Variants in PTAFR observed in about 807,000 individuals in gnomAD.
The protein encoded by PTAFR is platelet-activating factor receptor.
A neutral mutation model predicts 14.7 loss-of-function variants in PTAFR; 8 were observed. The observed-to-expected ratio is 0.54, with a 90% confidence interval of 0.32 to 0.98. The LOEUF is 0.98. Among genes scored for constraint, PTAFR ranks in the 50% least tolerant of loss-of-function variants. The pLI, the probability that PTAFR is intolerant of heterozygous loss-of-function variation, is 0.04. For missense variants in PTAFR, 337 were observed against 451.2 expected, an observed-to-expected ratio of 0.75 and a Z score of 2.29; for synonymous variants, 156 against 176.5, an observed-to-expected ratio of 0.88 and a Z score of 0.92.
intron 1 of PTAFR, among the ~76,000 whole-genome samples, chr1:28,165,744 C>A (rs1319280055): frequency 6.6e-6 from 1 of 152,000 alleles, no homozygotes; most frequent in African/African-American, 2.4e-5. Flanking sequence ...GATCGTGCCA[C>A]TGCACTCCAG....
At position 28,151,055 on chromosome 1, in the gene PTAFR, G is replaced by A; in HGVS notation, c.-34C>T. ...GCTGGAATGATCAGCTGGTCCTGGT[G>A]GTGCCTGGAAGACCACACAAAAATT... On this transcript the variant is annotated 5_prime_UTR_variant, in exon 2 of 2. Transcript: ENST00000373857. The A allele has an allele frequency of 6.6e-7, 1 of 1,516,624 alleles. No homozygotes were observed. Among genetic ancestry groups the A allele is most frequent in the Non-Finnish European group, 8.9e-7 (1 of 1,126,246 alleles). The allele number at this position is 1,516,624 out of a possible 1,614,324, so 93.9% of individuals were successfully genotyped here.
intron 1 of PTAFR, among the ~76,000 whole-genome samples, chr1:28,162,903 C>T (rs1572035522): frequency 6.7e-6 from 1 of 150,172 alleles, no homozygotes; most frequent in South Asian, 2.1e-4. Flanking sequence ...GCACCGAAAT[C>T]TGAGACATGT....
Position 28,190,973 on chromosome 1 carries a change from G to A in PTAFR, c.-39+2749C>T, listed in dbSNP as rs1646647430. 2.6e-5 allele frequency among the ~76,000 whole-genome samples: 4 copies of A among 152,186 alleles called. No homozygotes were observed. The South Asian group carries it at 8.3e-4, about 32-fold the overall frequency. On this transcript the variant is annotated intron_variant, in intron 1 of 1. Transcript: ENST00000305392. ...TGAAGCACTGCCATCCTCACAATGG[G>A]ATTAGGCCGGTAAAGGACGCCTGGC... is the stretch of plus-strand genomic sequence containing the variant.
chr1:28,191,681 AGAGC>A (rs778527921), intron 1 of PTAFR, among the ~76,000 whole-genome samples: 4 of 151,716 alleles, frequency 2.6e-5, no homozygotes, highest in Admixed American at 6.6e-5. Flanking sequence ...CAAGGATAGG[AGAGC>A]GTCTTTTCTC....
In PTAFR at chr1:28,183,420, G is replaced by T. The variant is rs186264900; in HGVS notation, c.-39+10302C>A. On this transcript the variant is annotated intron_variant, in intron 1 of 1. Coordinates refer to the PTAFR transcript ENST00000305392. Reference sequence around the variant, plus strand: ...AGAATAAATTAAATATTATAAGTAAGGCTGGGCACAGTGTCTCACGCCTAT... The same window carrying T: ...AGAATAAATTAAATATTATAAGTAATGCTGGGCACAGTGTCTCACGCCTAT... Among the ~76,000 whole-genome samples the T allele has an allele frequency of 2.6e-5, 4 of 152,270 alleles. No homozygotes were observed. In the East Asian group the frequency reaches 7.7e-4, roughly 29 times the overall value.
In PTAFR at chr1:28,167,633, A is replaced by ATTTTTTTTTTTTTTTTTTTTTT. The variant is rs780344665; in HGVS notation, c.-39+8937_-39+8958dup. ...TATATTCAAAAGAACTGAAAACGGG[A>ATTTTTTTTTTTTTTTTTTTTTT]TTTTTTTTTTTTTTTTTTTTTTTTT... On this transcript the variant is annotated intron_variant, in intron 1 of 1. Transcript: ENST00000373857. Among the ~76,000 whole-genome samples, 4 of 80,234 alleles carry ATTTTTTTTTTTTTTTTTTTTTT rather than the reference A, an allele frequency of 5.0e-5. 2 individuals are homozygous for ATTTTTTTTTTTTTTTTTTTTTT. The highest frequency in any genetic ancestry group is 2.2e-4 in the African/African-American group (4 of 18,022). The allele number at this position is 80,234 out of a possible 152,430, so 52.6% of individuals were successfully genotyped here. A position where few individuals can be genotyped will look rare whatever the true frequency, so the allele number is the denominator to read the frequency against.
chr1:28,185,463 G>A (rs1210457600), intron 1 of PTAFR, among the ~76,000 whole-genome samples: 1 of 152,186 alleles, frequency 6.6e-6, no homozygotes, highest in Non-Finnish European at 1.5e-5. Context: ...CTTGCTGTGA[G>A]TATCGCTTTT....
At chr1:28,172,803 G>A (rs558580193) in intron 1 of PTAFR, among the ~76,000 whole-genome samples, 2 of 152,242 alleles carry the variant, frequency 1.3e-5, no homozygotes, top group East Asian at 1.9e-4. Flanking sequence ...TATCTTGACT[G>A]AGCCTCATTC....
At position 28,149,327 on chromosome 1, in the gene PTAFR, T is replaced by A. The variant is rs1646151005; in HGVS notation, c.*666A>T. ...CACTTGAGAGTAGTTGCCCAAAGCTTTTTTTTTTTTTTTTTTTTTTTTTTT... is the reference window on the plus strand; with the variant it reads ...CACTTGAGAGTAGTTGCCCAAAGCTATTTTTTTTTTTTTTTTTTTTTTTTT... On this transcript the variant is annotated 3_prime_UTR_variant, in exon 2 of 2. Transcript: ENST00000373857. The A allele has an allele frequency of 3.0e-5, 2 of 66,960 alleles. No homozygotes were observed. The highest frequency in any genetic ancestry group is 5.4e-5 in the Non-Finnish European group (2 of 37,344). The allele number at this position is 66,960 out of a possible 1,614,324, so 4.1% of individuals were successfully genotyped here. A position where few individuals can be genotyped will look rare whatever the true frequency, so the allele number is the denominator to read the frequency against.
intron 1 of PTAFR, among the ~76,000 whole-genome samples, chr1:28,192,887 T>G (rs1244632367): frequency 1.3e-5 from 2 of 152,118 alleles, no homozygotes; most frequent in African/African-American, 4.8e-5. Flanking sequence ...CCTCAGGTGA[T>G]CCACCTGTGT....
At chr1:28,182,691 T>A (rs1646571898) in intron 1 of PTAFR, among the ~76,000 whole-genome samples, 2 of 152,090 alleles carry the variant, frequency 1.3e-5, no homozygotes, top group Admixed American at 1.3e-4. Flanking sequence ...TGTTTTCTGT[T>A]CTTTTTGAGA....
intron 1 of PTAFR, among the ~76,000 whole-genome samples, chr1:28,158,295 T>G (rs1646288542): frequency 6.6e-6 from 1 of 152,200 alleles, no homozygotes; most frequent in African/African-American, 2.4e-5. Context: ...CACAGGGGAC[T>G]GCGGGACAGA....
At chr1:28,188,660 T>C (rs1302252321) in intron 1 of PTAFR, among the ~76,000 whole-genome samples, 1 of 151,658 alleles carries the variant, frequency 6.6e-6, no homozygotes, top group East Asian at 1.9e-4. Flanking sequence ...CCTTGAATCC[T>C]AGAGGTGGAG....
rs527653946 is a variant in PTAFR, at chr1:28,168,049, C to T, written c.-39+8543G>A. On this transcript the variant is annotated intron_variant, in intron 1 of 1. Coordinates refer to ENST00000373857, the MANE Select transcript of PTAFR (RefSeq NM_000952.5). ...TCTCGGCTCGCTGCAAGCTCCGCCT[C>T]CCGGGTTCACGCCATTCTCCCGCCT... Among the ~76,000 whole-genome samples the T allele has an allele frequency of 1.6e-3, 241 of 149,398 alleles. 1 individual carries two copies. The highest frequency in any genetic ancestry group is 5.7e-3 in the Admixed American group (85 of 14,950).
intron 1 of PTAFR, among the ~76,000 whole-genome samples, chr1:28,190,720 C>A (rs571388303): frequency 1.3e-5 from 2 of 152,106 alleles, no homozygotes; most frequent in South Asian, 4.2e-4. Flanking sequence ...TCTCTGAGAG[C>A]CCAAAAGTAA....
At chr1:28,183,754 C>T (rs1646581577) in intron 1 of PTAFR, among the ~76,000 whole-genome samples, 2 of 152,060 alleles carry the variant, frequency 1.3e-5, no homozygotes, top group Non-Finnish European at 2.9e-5. Flanking sequence ...GGCGTGGTGG[C>T]ACATGCCTGT....
rs1196922547 is a variant in PTAFR at position 28,150,888 on chromosome 1, G to T, written c.134C>A (p.Pro45His). 5.6e-6 allele frequency: 9 copies of T among 1,614,078 alleles called. No homozygotes were observed. The highest frequency in any genetic ancestry group is 7.6e-6 in the Non-Finnish European group (9 of 1,180,018). ...YVLWVFARLY[P>H]CKKFNEIKIF... ...CTTTATCTCATTGAATTTCTTGCAA[G>T]GGTACAGGCGGGCAAAGACCCACAG... Residue 45 changes from proline to histidine, a missense_variant, in exon 2 of 2, where the codon CCT becomes CAT. By Grantham distance (77) the Pro-to-His change is moderately conservative. Transcript: ENST00000373857. The surrounding 1 kb of genome is among the most constrained non-coding windows in gnomAD (Gnocchi z 6.3).
At chr1:28,164,329 C>T (rs994306614) in intron 1 of PTAFR, among the ~76,000 whole-genome samples, 1 of 152,210 alleles carries the variant, frequency 6.6e-6, no homozygotes, top group East Asian at 1.9e-4. Flanking sequence ...ATCCACAGCT[C>T]CTGCACCAGC....
At chr1:28,161,875 C>G (rs991284071) in intron 1 of PTAFR, among the ~76,000 whole-genome samples, 2 of 151,868 alleles carry the variant, frequency 1.3e-5, no homozygotes, top group African/African-American at 4.8e-5. Flanking sequence ...TGGCTGAACT[C>G]TAAAAAAGAA....
Sources: gnomAD v4.1 joint callset for allele counts (sites outside exome capture counted in the v4.1 genomes callset) on GRCh38, gnomAD v4.1.1 for gene constraint, Gnocchi (gnomAD v3.1) non-coding constraint, MANE v1.5 for transcripts, NCBI Gene and HGNC (gene_info 2026-07-23, HGNC 2026-07-21) for gene names.